CPXM2: variants seen among roughly 807,000 people sequenced by gnomAD.
The protein encoded by CPXM2 is inactive carboxypeptidase-like protein X2.
A neutral mutation model predicts 86.1 loss-of-function variants in CPXM2; 66 were observed. The observed-to-expected ratio is 0.77, with a 90% confidence interval of 0.63 to 0.94. The LOEUF (loss-of-function observed/expected upper bound fraction) is 0.94, where lower values mean the gene tolerates loss of function less well. Ranked by LOEUF, CPXM2 falls within the 40% of genes least tolerant of loss-of-function variation. The probability of loss-of-function intolerance (pLI) is 0.00; values close to 1 mark genes in which losing one functional copy is unlikely to be tolerated. For missense variants in CPXM2, 948 were observed against 1,026.3 expected, an observed-to-expected ratio of 0.92 and a Z score of 1.04; for synonymous variants, 388 against 400.2, an observed-to-expected ratio of 0.97 and a Z score of 0.36.
At chr10:123,820,349 CT>C (rs1847899219) in intron 4 of CPXM2, among the ~76,000 whole-genome samples, 1 of 152,116 alleles carries the variant, frequency 6.6e-6, no homozygotes, top group Non-Finnish European at 1.5e-5. Context: ...AAGAGACCCT[CT>C]GAGAGAGTCC....
chr10:123,936,373 A>G lies in CPXM2; in HGVS notation n.174+3104T>C, dbSNP rs1179110006. 4.6e-5 allele frequency among the ~76,000 whole-genome samples: 7 copies of G among 152,336 alleles called. No homozygotes were observed. In the East Asian group the frequency reaches 9.6e-4, roughly 21 times the overall value. On this transcript the variant is annotated intron_variant and non_coding_transcript_variant, in intron 2 of 19. Transcript: ENST00000368854. ...AGGCAGATAAGTCAGGAGCTGAATGATTCCAGAAGATTCCAGAAGTGTCTG... is the reference window on the plus strand; with the variant it reads ...AGGCAGATAAGTCAGGAGCTGAATGGTTCCAGAAGATTCCAGAAGTGTCTG...
rs1202370101 is a variant in CPXM2 at position 123,862,627 on chromosome 10, C to G, written c.500G>C (p.Arg167Thr). The change falls in exon 3 of 14, where the codon AGA (arginine) becomes ACA (threonine). Residue 167 changes from arginine (R) to threonine (T), a missense_variant. By Grantham distance (71) the Arg-to-Thr change is moderately conservative. Transcript: ENST00000241305. ...KRYGLGAHRG[R>T]LNIQAGINEN... Reference sequence around the variant, plus strand: ...AGGGCCAGGTACCTGGATGTTGAGTCTCCCTCGATGTGCCCCCAGGCCATA... The same window carrying G: ...AGGGCCAGGTACCTGGATGTTGAGTGTCCCTCGATGTGCCCCCAGGCCATA... The G allele has an allele frequency of 2.5e-6, 4 of 1,614,044 alleles. No homozygotes were observed. The Admixed American group carries it at 6.7e-5, about 27-fold the overall frequency.
intron 1 of CPXM2, among the ~76,000 whole-genome samples, chr10:123,884,688 A>G (rs1945152295): frequency 6.6e-6 from 1 of 152,076 alleles, no homozygotes; most frequent in Non-Finnish European, 1.5e-5. Flanking sequence ...CAATCAATCA[A>G]ACAATCCATC....
chr10:123,842,511 T>C, intron 3 of CPXM2, 23 bp from the exon 4 acceptor site: 1 of 1,610,996 alleles, frequency 6.2e-7, no homozygotes, highest in Non-Finnish European at 8.5e-7. Context: ...AAAGCGGTGT[T>C]CTTCAAAAAG....
At chr10:123,768,877 A>G (rs959149434) in intron 8 of CPXM2, among the ~76,000 whole-genome samples, 155 bp from the exon 9 acceptor site, 1 of 152,200 alleles carries the variant, frequency 6.6e-6, no homozygotes, top group South Asian at 2.1e-4. Flanking sequence ...AAATGACATC[A>G]GGACAACTGT....
intron 1 of CPXM2, chr10:123,939,658 A>G (rs2134294747): frequency 6.6e-6 from 1 of 152,402 alleles, no homozygotes; most frequent in East Asian, 1.9e-4. Context: ...GTAGAGCACC[A>G]GCCCTGGGGA....
At chr10:123,915,860 C>A (rs1022385524) in intron 2 of CPXM2, among the ~76,000 whole-genome samples, 1 of 152,188 alleles carries the variant, frequency 6.6e-6, no homozygotes, top group African/African-American at 2.4e-5. Context: ...GAAGCTGTTG[C>A]CCACTCCAGC....
intron 2 of CPXM2, among the ~76,000 whole-genome samples, chr10:123,922,751 A>G (rs1945588108): frequency 6.6e-6 from 1 of 152,252 alleles, no homozygotes; most frequent in South Asian, 2.1e-4. Flanking sequence ...TTCTTTATGC[A>G]ACATCTCCAG....
chr10:123,889,267 T>C (rs113822063), intron 1 of CPXM2, among the ~76,000 whole-genome samples: 1,914 of 152,254 alleles, frequency 0.013, 35 homozygotes, highest in African/African-American at 0.044. Context: ...CGGTCACTTG[T>C]ACGAGTCCCC....
At chr10:123,772,405 T>G (rs546241982) in intron 7 of CPXM2, among the ~76,000 whole-genome samples, 2 of 151,926 alleles carry the variant, frequency 1.3e-5, no homozygotes, top group Admixed American at 6.5e-5. Flanking sequence ...CCTGCCTTGT[T>G]CTGGTTATCA....
In CPXM2 at chr10:123,746,624, A is replaced by G. The variant is rs1589953478; in HGVS notation, c.*140T>C. 1 of 788,892 alleles carries G rather than the reference A, an allele frequency of 1.3e-6. No individual in the cohort carries two copies. Among genetic ancestry groups the G allele is most frequent in the East Asian group, 2.5e-5 (1 of 39,964 alleles). 48.9% of individuals were successfully genotyped at this position (788,892 alleles called of 1,614,324 possible). A position where few individuals can be genotyped will look rare whatever the true frequency, so the allele number is the denominator to read the frequency against. Reference sequence around the variant, plus strand: ...TCAGCCTCCAGCCTTCCCTTTTGGGACCTGCCTCACAATGCACCCTCTCTT... The same window carrying G: ...TCAGCCTCCAGCCTTCCCTTTTGGGGCCTGCCTCACAATGCACCCTCTCTT... On this transcript the variant is annotated 3_prime_UTR_variant, in exon 14 of 14. Coordinates refer to ENST00000241305, the MANE Select transcript of CPXM2 (RefSeq NM_198148.3).
chr10:123,883,993 T>C (rs1412408509), intron 1 of CPXM2, among the ~76,000 whole-genome samples: 1 of 152,194 alleles, frequency 6.6e-6, no homozygotes, highest in Non-Finnish European at 1.5e-5. Flanking sequence ...GTGGGCCACA[T>C]GTTCTATTCT....
At chr10:123,791,647 AC>A (rs1420054752) in intron 6 of CPXM2, among the ~76,000 whole-genome samples, 18 of 152,056 alleles carry the variant, frequency 1.2e-4, no homozygotes, top group African/African-American at 4.1e-4. Context: ...TTAAGGGCCC[AC>A]CCTCATCCAG....
intron 4 of CPXM2, among the ~76,000 whole-genome samples, chr10:123,836,157 G>T (rs1848275668): frequency 6.6e-6 from 1 of 152,080 alleles, no homozygotes; most frequent in Non-Finnish European, 1.5e-5. Flanking sequence ...TGAGTAGCCA[G>T]TCCTCAAGCC....
chr10:123,796,620 G>A (rs948364157), intron 6 of CPXM2, among the ~76,000 whole-genome samples: 1 of 152,192 alleles, frequency 6.6e-6, no homozygotes, highest in Admixed American at 6.5e-5. Flanking sequence ...AATACTACGG[G>A]ATTGAGAGAA....
At chr10:123,755,418 T>A (rs1325240193) in intron 12 of CPXM2, among the ~76,000 whole-genome samples, 1 of 152,238 alleles carries the variant, frequency 6.6e-6, no homozygotes, top group Admixed American at 6.5e-5. Context: ...TAGGATTGCC[T>A]GGCTCTGTGT....
At chr10:123,843,129 T>C in intron 3 of CPXM2, 2 of 323,216 alleles carry the variant, frequency 6.2e-6, no homozygotes, top group Admixed American at 9.5e-5. Context: ...TCTTTTTTTT[T>C]TTTTCAGAGA....
chr10:123,893,122 A>G (rs757111089), upstream of CPXM2, among the ~76,000 whole-genome samples: 4 of 152,216 alleles, frequency 2.6e-5, no homozygotes, highest in Non-Finnish European at 4.4e-5. Flanking sequence ...ACTTTTTGCC[A>G]GGTTCCGTAA....
At chr10:123,751,175 G>A (rs1043790598) in intron 13 of CPXM2, 66 of 405,946 alleles carry the variant, frequency 1.6e-4, no homozygotes, top group African/African-American at 1.3e-3. Flanking sequence ...ACGGCTTAGC[G>A]CCACTGACGA....
Sources: gnomAD v4.1 joint callset for allele counts (sites outside exome capture counted in the v4.1 genomes callset) on GRCh38, gnomAD v4.1.1 for gene constraint, MANE v1.5 for transcripts, NCBI Gene and HGNC (gene_info 2026-07-23, HGNC 2026-07-21) for gene names.